Variants in LCN12 observed in about 807,000 individuals in gnomAD.
LCN12 encodes lipocalin 12, also known as epididymal-specific lipocalin-12.
In LCN12, 15 loss-of-function variants were observed where a neutral mutation model predicts 23.7. That is an observed-to-expected ratio of 0.63 (90% confidence interval 0.42 to 0.97). The LOEUF is 0.97. LCN12 is among the 50% of genes least tolerant of loss of function. The pLI is 0.00. For synonymous variants in LCN12, 116 were observed against 111.5 expected, an observed-to-expected ratio of 1.04 and a Z score of -0.25; for missense variants, 219 against 249.6, an observed-to-expected ratio of 0.88 and a Z score of 0.83.
In LCN12 at chr9:136,955,474, C is replaced by T. The variant is rs1851302049; in HGVS notation, c.*75C>T. ...GCTCTGCCCTCCTCAGCTCTCAAACCTGAATAAATGCACCAAGCCCAGAGC... is the reference window on the plus strand; with the variant it reads ...GCTCTGCCCTCCTCAGCTCTCAAACTTGAATAAATGCACCAAGCCCAGAGC... On this transcript the variant is annotated 3_prime_UTR_variant, in exon 6 of 6. Transcript: ENST00000371633. The T allele has an allele frequency of 2.1e-6, 3 of 1,463,364 alleles. No homozygotes were observed. Among genetic ancestry groups the T allele is most frequent in the Non-Finnish European group, 2.9e-6 (3 of 1,049,874 alleles). 90.6% of individuals were successfully genotyped at this position (1,463,364 alleles called of 1,614,324 possible).
At chr9:136,955,498 G>A, downstream of LCN12, 1 of 1,313,756 alleles carries the variant, frequency 7.6e-7, no homozygotes, top group Non-Finnish European at 1.1e-6. Context: ...CAAGCCCAGA[G>A]CCCCAGAGTG....
chr9:136,954,316 T>C, intron 5 of LCN12, 61 bp downstream of exon 5: 1 of 1,526,622 alleles, frequency 6.6e-7, no homozygotes, highest in Non-Finnish European at 8.9e-7. Flanking sequence ...GGAATGAGTT[T>C]GGTTGACCCT....
upstream of LCN12, among the ~76,000 whole-genome samples, chr9:136,951,848 G>A (rs975268869): frequency 1.3e-5 from 2 of 152,260 alleles, no homozygotes; most frequent in Non-Finnish European, 2.9e-5. Flanking sequence ...GTAGGGGGGC[G>A]GCTGGCAGGC....
At chr9:136,952,845 CTGCCA>C in intron 1 of LCN12, 42 bp from the exon 2 acceptor site, 1 of 1,590,014 alleles carries the variant, frequency 6.3e-7, no homozygotes, top group Non-Finnish European at 8.5e-7. Flanking sequence ...ACCCTGCCCA[CTGCCA>C]CCCCTGCCCA....
upstream of LCN12, among the ~76,000 whole-genome samples, chr9:136,950,076 C>G (rs534165327): frequency 2.0e-5 from 3 of 152,238 alleles, no homozygotes; most frequent in Non-Finnish European, 4.4e-5. Flanking sequence ...CTGCACGGCC[C>G]GTTCCAGCGC....
upstream of LCN12, among the ~76,000 whole-genome samples, chr9:136,950,309 A>T (rs1465151495): frequency 2.0e-5 from 3 of 152,198 alleles, no homozygotes; most frequent in African/African-American, 7.2e-5. Flanking sequence ...ACCTGGAGGC[A>T]CACACAGACC....
upstream of LCN12, among the ~76,000 whole-genome samples, chr9:136,950,751 C>A (rs547682357): frequency 6.6e-6 from 1 of 152,188 alleles, no homozygotes; most frequent in Non-Finnish European, 1.5e-5. Context: ...CCTCCTGAAA[C>A]GCTAGCGTTG....
upstream of LCN12, among the ~76,000 whole-genome samples, chr9:136,950,185 A>G (rs1038688568): frequency 2.0e-5 from 3 of 152,102 alleles, no homozygotes; most frequent in East Asian, 5.8e-4. Flanking sequence ...GAGGAGCAGC[A>G]CCTGCGTCTG....
intron 5 of LCN12, chr9:136,954,704 G>A (rs1234471992): frequency 2.3e-6 from 3 of 1,291,092 alleles, no homozygotes; most frequent in Admixed American, 4.6e-5. Context: ...CTGCTCACAA[G>A]GAGCTTGGAC....
intron 5 of LCN12, chr9:136,954,597 G>C: frequency 1.6e-6 from 1 of 614,284 alleles, no homozygotes; most frequent in Non-Finnish European, 2.6e-6. Context: ...CGGGTCTCCT[G>C]TCCTGGGCTA....
intron 4 of LCN12, 84 bp from the exon 5 acceptor site, chr9:136,954,070 G>C (rs1851249226): frequency 1.3e-6 from 2 of 1,527,418 alleles, no homozygotes; most frequent in Admixed American, 2.0e-5. Context: ...TGACTTGGGG[G>C]TACAGATAGT....
upstream of LCN12, among the ~76,000 whole-genome samples, chr9:136,949,928 C>T (rs959714174): frequency 1.3e-5 from 2 of 152,216 alleles, no homozygotes; most frequent in Non-Finnish European, 2.9e-5. Flanking sequence ...GGCACCGCCT[C>T]CCGCCTCGGC....
chr9:136,955,102 G>C, intron 5 of LCN12: 1 of 1,415,750 alleles, frequency 7.1e-7, no homozygotes, highest in Non-Finnish European at 9.2e-7. Context: ...TGGGTCTGCA[G>C]TGAGTCTGGG....
chr9:136,952,514 G>A, intron 1 of LCN12, 73 bp downstream of exon 1: 1 of 1,062,164 alleles, frequency 9.4e-7, no homozygotes, highest in Non-Finnish European at 1.4e-6. Flanking sequence ...GGCTGAGCAG[G>A]CCTGGGGATG....
upstream of LCN12, among the ~76,000 whole-genome samples, chr9:136,950,520 T>C (rs1410930857): frequency 6.6e-6 from 1 of 152,148 alleles, no homozygotes; most frequent in East Asian, 1.9e-4. Flanking sequence ...GCGGGGACTG[T>C]CCTGTACATG....
At chr9:136,955,571 G>T, downstream of LCN12, 1 of 609,266 alleles carries the variant, frequency 1.6e-6, no homozygotes, top group Non-Finnish European at 2.8e-6. Context: ...ACCCTGCAGG[G>T]CTGCAACAGC....
rs1304374345 is a variant in LCN12 at position 136,952,727 on chromosome 9, C to A, written c.115-165C>A. On this transcript the variant is annotated intron_variant, in intron 1 of 5. Transcript: ENST00000371633. Reference sequence around the variant, plus strand: ...CCAGGGTCACCATGTCCCTGCCAGACCCAGAGTAGGCTCTGGTTCTTGCCA... The same window carrying A: ...CCAGGGTCACCATGTCCCTGCCAGAACCAGAGTAGGCTCTGGTTCTTGCCA... 5.1e-6 allele frequency: 4 copies of A among 781,372 alleles called. No individual in the cohort carries two copies. The African/African-American group carries it at 5.2e-5, about 10-fold the overall frequency. 48.4% of individuals were successfully genotyped at this position (781,372 alleles called of 1,614,324 possible).
chr9:136,954,792 C>G (rs901757571), intron 5 of LCN12: 21 of 1,289,870 alleles, frequency 1.6e-5, no homozygotes, highest in African/African-American at 4.6e-5. Context: ...ACAGCCGCGG[C>G]CCCCAAGGCC....
upstream of LCN12, among the ~76,000 whole-genome samples, chr9:136,949,214 T>C (rs1414284566): frequency 1.3e-5 from 2 of 152,190 alleles, no homozygotes; most frequent in African/African-American, 2.4e-5. Context: ...GTGGGCAACA[T>C]AGTGAGACCT....
Sources: allele counts gnomAD v4.1 joint callset (sites outside exome capture counted in the v4.1 genomes callset), GRCh38; gene constraint gnomAD v4.1.1; transcripts MANE v1.5; gene names NCBI Gene and HGNC (gene_info 2026-07-23, HGNC 2026-07-21).